The following LMX1B variants were observed in gnomAD, a reference collection of about 807,000 sequenced individuals.
The protein encoded by LMX1B is LIM homeobox transcription factor 1 beta.
LMX1B carries 12 observed loss-of-function variants against 51.4 expected under a neutral mutation model. The observed-to-expected ratio is 0.23, with a 90% CI of 0.15 to 0.38. The LOEUF (loss-of-function observed/expected upper bound fraction) is 0.38, where lower values mean the gene tolerates loss of function less well. LMX1B is among the 10% of genes least tolerant of loss of function. The pLI is 1.00. For missense variants in LMX1B, 445 were observed against 571.1 expected (o/e 0.78, Z 2.25); for synonymous variants, 237 against 235.4 (o/e 1.01, Z -0.06).
rs572406923 is a variant in LMX1B at position 126,699,321 on chromosome 9, C to A, written c.*2870C>A. ...GTCCCCTGTGGTTTGTGAATGACCT[C>A]CAGGTCAGGGGGTCACAACTTGTTC... On this transcript the variant is annotated 3_prime_UTR_variant, in exon 8 of 8. Coordinates refer to ENST00000373474, the MANE Select transcript of LMX1B (RefSeq NM_001174147.2). 6.6e-6 allele frequency: 1 copy of A among 152,344 alleles called. No individual in the cohort carries two copies. The highest frequency in any genetic ancestry group is 2.1e-4 in the South Asian group (1 of 4,822). The allele number at this position is 152,344 out of a possible 1,614,324, so 9.4% of individuals were successfully genotyped here.
rs764982254 is a variant in LMX1B at position 126,696,311 on chromosome 9, C to T, written c.1069C>T (p.His357Tyr). ...MNPYGNDSIF[H>Y]DIDSDTSLTS... is the part of the protein sequence containing the mutation. ...CCCCCCAGGGAACGACTCCATCTTC[C>T]ATGACATCGACAGCGATACCTCCTT... The change falls in exon 8 of 8, where the codon CAT (histidine) becomes TAT (tyrosine). Residue 357 changes from histidine to tyrosine, a missense_variant. Physicochemically the swap from His to Tyr is moderately conservative, Grantham distance 83 (BLOSUM62 2). This residue lies in a region of LMX1B where 162 missense variants were observed against 187.8 expected (regional missense o/e 0.86). Coordinates refer to ENST00000373474, the MANE Select transcript of LMX1B (RefSeq NM_001174147.2). 1 of 1,614,112 alleles carries T rather than the reference C, an allele frequency of 6.2e-7. No homozygotes were observed. The highest frequency in any genetic ancestry group is 2.2e-5 in the East Asian group (1 of 44,868).
chr9:126,669,475 C>T (rs1176007858), intron 2 of LMX1B, among the ~76,000 whole-genome samples: 1 of 152,120 alleles, frequency 6.6e-6, no homozygotes, highest in Non-Finnish European at 1.5e-5. Flanking sequence ...TGTGTGTTCA[C>T]GTGTGTCTGG....
chr9:126,656,414 G>GATAC (rs1303937224), intron 2 of LMX1B, among the ~76,000 whole-genome samples: 1 of 151,764 alleles, frequency 6.6e-6, no homozygotes, highest in African/African-American at 2.4e-5. Context: ...TAGATAGATA[G>GATAC]ATAGATAGAT....
intron 2 of LMX1B, among the ~76,000 whole-genome samples, chr9:126,636,088 T>G (rs1449343570): frequency 1.3e-5 from 2 of 152,172 alleles, no homozygotes; most frequent in Admixed American, 1.3e-4. Flanking sequence ...GACCCAAGAC[T>G]GCAGGCCCCA....
chr9:126,690,149 G>A (rs954728847), intron 2 of LMX1B, among the ~76,000 whole-genome samples: 2 of 152,182 alleles, frequency 1.3e-5, no homozygotes, highest in East Asian at 3.9e-4. Flanking sequence ...GGGAAGAGGC[G>A]GGATCATGAA....
rs757555631 is a variant in LMX1B at position 126,625,798 on chromosome 9, C to T, written c.326+10229C>T. 2.0e-5 allele frequency among the ~76,000 whole-genome samples: 3 copies of T among 152,224 alleles called. No individual in the cohort carries two copies. Among genetic ancestry groups the T allele is most frequent in the Non-Finnish European group, 2.9e-5 (2 of 68,038 alleles). On this transcript the variant is annotated intron_variant, in intron 2 of 7. Transcript: ENST00000373474. The surrounding 1 kb of genome is among the most constrained non-coding windows in gnomAD (Gnocchi z 5.3). ...ACCCAGCCCTGTCTGCCGACTGGCC[C>T]TTCGACGTCGCCGCCGTGCCTGAGC...
At chr9:126,670,326 G>C (rs1161333336) in intron 2 of LMX1B, among the ~76,000 whole-genome samples, 1 of 152,252 alleles carries the variant, frequency 6.6e-6, no homozygotes, top group Non-Finnish European at 1.5e-5. Flanking sequence ...ATCAGCAGTT[G>C]TGCGTGCATG....
rs1395438541 is a variant in LMX1B at position 126,614,097 on chromosome 9, CCTGCCGCCGCCGCCACCGCCACCG to C, written c.-351_-328del. Among the ~76,000 whole-genome samples, 2 of 141,098 alleles carry C rather than the reference CCTGCCGCCGCCGCCACCGCCACCG, an allele frequency of 1.4e-5. No individual in the cohort carries two copies. Among genetic ancestry groups the C allele is most frequent in the Non-Finnish European group, 3.1e-5 (2 of 63,790 alleles). The allele number at this position is 141,098 out of a possible 152,430, so 92.6% of individuals were successfully genotyped here. A position where few individuals can be genotyped will look rare whatever the true frequency, so the allele number is the denominator to read the frequency against. On this transcript the variant is annotated 5_prime_UTR_variant, in exon 1 of 8. Coordinates refer to ENST00000373474, the MANE Select transcript of LMX1B (RefSeq NM_001174147.2). ...CCCTGCACCCCCACCCCCTCCCCCG[CCTGCCGCCGCCGCCACCGCCACCG>C]CCGCCGCCGCCTCCTCCCCGCGGCT...
chr9:126,614,467 T>G lies in LMX1B; in HGVS notation c.18T>G (p.Gly6=), dbSNP rs761549192. 3.2e-6 allele frequency: 5 copies of G among 1,576,622 alleles called. No individual in the cohort carries two copies. In the Admixed American group the frequency reaches 5.5e-5, roughly 17 times the overall value. MDIAT[G]PESLERCFPR... ...CGCGTCCCATGGATATAGCAACAGGTCCCGAGTCGCTGGAGAGGTGCTTCC... is the reference window on the plus strand; with the variant it reads ...CGCGTCCCATGGATATAGCAACAGGGCCCGAGTCGCTGGAGAGGTGCTTCC... Residue 6 remains glycine, a synonymous_variant, in exon 1 of 8, where the codon GGT becomes GGG. Transcript: ENST00000373474.
At chr9:126,662,418 A>G (rs941735941) in intron 2 of LMX1B, among the ~76,000 whole-genome samples, 4 of 152,096 alleles carry the variant, frequency 2.6e-5, no homozygotes, top group Non-Finnish European at 4.4e-5. Flanking sequence ...TTGAGCCTCA[A>G]TTTCCTCGGC....
At position 126,618,036 on chromosome 9, in the gene LMX1B, A is replaced by T. The variant is rs1035385509; in HGVS notation, c.326+2467A>T. Among the ~76,000 whole-genome samples, 8 of 152,050 alleles carry T rather than the reference A, an allele frequency of 5.3e-5. No individual in the cohort carries two copies. The highest frequency in any genetic ancestry group is 4.8e-5 in the African/African-American group (2 of 41,396). On this transcript the variant is annotated intron_variant, in intron 2 of 7. Transcript: ENST00000373474. The surrounding 1 kb of genome is among the most constrained non-coding windows in gnomAD (Gnocchi z 4.5). ...AAGGGATGTTCTTTGCACAATAAAA[A>T]TTTTTTTATTCACATTTCTTTTTTT...
At chr9:126,627,229 G>T (rs1198076062) in intron 2 of LMX1B, among the ~76,000 whole-genome samples, 2 of 152,084 alleles carry the variant, frequency 1.3e-5, no homozygotes, top group African/African-American at 4.8e-5. Flanking sequence ...TCCCTGCCCT[G>T]CAGGCAGCTG....
chr9:126,676,067 T>A (rs1404013269), intron 2 of LMX1B, among the ~76,000 whole-genome samples: 5 of 144,340 alleles, frequency 3.5e-5, no homozygotes, highest in South Asian at 4.3e-4. Flanking sequence ...AAAAAAAAAA[T>A]GTTCAGTAGA....
intron 1 of LMX1B, among the ~76,000 whole-genome samples, chr9:126,614,855 G>A (rs2118821179): frequency 6.6e-6 from 1 of 152,250 alleles, no homozygotes; most frequent in Non-Finnish European, 1.5e-5. Flanking sequence ...GTGGTAGGTG[G>A]CGGGTGGCAG....
Position 126,671,940 on chromosome 9 carries a change from A to C in LMX1B, c.327-18896A>C, listed in dbSNP as rs1052568613. ...CCCCTTCTCCTGGACTGGGGCTTCC[A>C]AGTAAATTCATCTTCCTTATTAAAA... On this transcript the variant is annotated intron_variant, in intron 2 of 7. Coordinates refer to ENST00000373474, the MANE Select transcript of LMX1B (RefSeq NM_001174147.2). This position sits in a 1 kb window ranked among gnomAD's most constrained non-coding sequence, Gnocchi z 4.4. Among the ~76,000 whole-genome samples, 2 of 152,332 alleles carry C rather than the reference A, an allele frequency of 1.3e-5. No individual in the cohort carries two copies. Among genetic ancestry groups the C allele is most frequent in the Non-Finnish European group, 2.9e-5 (2 of 68,022 alleles).
At chr9:126,693,369 C>A in intron 4 of LMX1B, 46 bp downstream of exon 4, 1 of 1,571,680 alleles carries the variant, frequency 6.4e-7, no homozygotes, top group Non-Finnish European at 8.7e-7. Flanking sequence ...GCCCGCACAC[C>A]CACTGCCTTT....
intron 2 of LMX1B, among the ~76,000 whole-genome samples, chr9:126,666,968 A>G (rs1836352469): frequency 6.6e-6 from 1 of 152,268 alleles, no homozygotes; most frequent in African/African-American, 2.4e-5. Context: ...CGAAATGACA[A>G]ATCGGTCTCT....
At position 126,626,603 on chromosome 9, in the gene LMX1B, A is replaced by G. The variant is rs901612388; in HGVS notation, c.326+11034A>G. 2.0e-5 allele frequency among the ~76,000 whole-genome samples: 3 copies of G among 151,572 alleles called. No homozygotes were observed. The highest frequency in any genetic ancestry group is 7.3e-5 in the African/African-American group (3 of 41,290). On this transcript the variant is annotated intron_variant, in intron 2 of 7. Transcript: ENST00000373474. The surrounding 1 kb of genome is among the most constrained non-coding windows in gnomAD (Gnocchi z 4.3). ...GGCAACCGGCCCTTCCTTCCAGGTC[A>G]GGGGTGGGGGAGAGACTTTCTCCCT...
At chr9:126,676,365 T>C (rs956998231) in intron 2 of LMX1B, among the ~76,000 whole-genome samples, 3 of 152,074 alleles carry the variant, frequency 2.0e-5, no homozygotes, top group Non-Finnish European at 4.4e-5. Flanking sequence ...GGATGGGCTG[T>C]CTCCCAGTGG....
Sources: gnomAD v4.1 joint callset for allele counts (sites outside exome capture counted in the v4.1 genomes callset) on GRCh38, gnomAD v4.1.1 for gene constraint, gnomAD v4.1.1 regional missense constraint, Gnocchi (gnomAD v3.1) non-coding constraint, MANE v1.5 for transcripts, NCBI Gene and HGNC (gene_info 2026-07-23, HGNC 2026-07-21) for gene names.